The following ACOXL variants were observed in gnomAD, a reference collection of about 807,000 sequenced individuals.
ACOXL encodes the protein acyl-CoA oxidase like, also known as acyl-coenzyme A oxidase-like protein.
In ACOXL, 70 loss-of-function variants were observed where a neutral mutation model predicts 71.9. The ratio of observed to expected loss-of-function variants is 0.97; its 90% CI spans 0.80 to 1.19. The LOEUF (loss-of-function observed/expected upper bound fraction) is 1.19, where lower values mean the gene tolerates loss of function less well. ACOXL is among the 50% of genes most tolerant of loss of function. The probability of loss-of-function intolerance (pLI) is 0.00; values close to 1 mark genes in which losing one functional copy is unlikely to be tolerated. For missense variants in ACOXL, 703 were observed against 736.3 expected (o/e 0.95, Z 0.52); for synonymous variants, 253 against 281.6 (o/e 0.90, Z 1.02).
At chr2:110,981,290 G>A (rs1299903442) in intron 12 of ACOXL, among the ~76,000 whole-genome samples, 1 of 152,144 alleles carries the variant, frequency 6.6e-6, no homozygotes, top group Admixed American at 6.5e-5. Context: ...CCCGGGAAGT[G>A]GAGGTTGCAG....
chr2:111,088,491 T>C (rs56272634), intron 16 of ACOXL, among the ~76,000 whole-genome samples: 43,843 of 152,064 alleles, frequency 0.29, 6,435 homozygotes, highest in East Asian at 0.45. Flanking sequence ...GGAACATGGA[T>C]AGAACTGGAG....
At chr2:110,842,088 C>T (rs1210261669) in intron 10 of ACOXL, among the ~76,000 whole-genome samples, 3 of 152,194 alleles carry the variant, frequency 2.0e-5, no homozygotes, top group African/African-American at 7.2e-5. Flanking sequence ...TTGGGGATGT[C>T]TGCTCAGCTG....
At chr2:110,950,602 C>T (rs988458899) in intron 12 of ACOXL, among the ~76,000 whole-genome samples, 14 of 152,136 alleles carry the variant, frequency 9.2e-5, no homozygotes, top group African/African-American at 3.4e-4. Flanking sequence ...TCCCTTGGGC[C>T]AGTTCAGTCC....
At chr2:110,973,407 G>T (rs1017866) in intron 12 of ACOXL, among the ~76,000 whole-genome samples, 74,223 of 151,882 alleles carry the variant, frequency 0.49, 18,334 homozygotes, top group Middle Eastern at 0.6. Context: ...TCACGATCAC[G>T]CTGCCCTCAT....
chr2:110,979,245 A>T (rs2062597537), intron 12 of ACOXL, among the ~76,000 whole-genome samples: 1 of 152,202 alleles, frequency 6.6e-6, no homozygotes, highest in Non-Finnish European at 1.5e-5. Context: ...TAAGAACGCC[A>T]ACCATGCTCC....
chr2:110,883,424 T>C (rs990128197), intron 10 of ACOXL, among the ~76,000 whole-genome samples: 3 of 138,476 alleles, frequency 2.2e-5, no homozygotes, highest in Non-Finnish European at 4.9e-5. Context: ...TTCATCACTC[T>C]TAATAATCAG....
chr2:110,993,014 A>G (rs1235650389), intron 13 of ACOXL, among the ~76,000 whole-genome samples: 2 of 152,222 alleles, frequency 1.3e-5, no homozygotes, highest in Non-Finnish European at 2.9e-5. Context: ...ATATCTATGG[A>G]TCTGTGTATG....
intron 12 of ACOXL, among the ~76,000 whole-genome samples, chr2:110,975,192 C>T (rs2062389417): frequency 6.6e-6 from 1 of 152,144 alleles, no homozygotes; most frequent in Non-Finnish European, 1.5e-5. Flanking sequence ...AGGGTATTTT[C>T]CTAAGGATAA....
In ACOXL at chr2:111,109,710, G is replaced by A. The variant is rs188874366; in HGVS notation, c.1543-7906G>A. ...TTTTTTTTTTTTGAGACAGAGTCTC[G>A]CTCTTTCACCCAGGCTGGAGTGCAG... On this transcript the variant is annotated intron_variant, in intron 17 of 17. Coordinates refer to ENST00000439055, the MANE Select transcript of ACOXL (RefSeq NM_001142807.4). Among the ~76,000 whole-genome samples, 283 of 106,414 alleles carry A rather than the reference G, an allele frequency of 2.7e-3. 2 individuals are homozygous for A. Among genetic ancestry groups the A allele is most frequent in the African/African-American group, 9.9e-3 (263 of 26,470 alleles). The allele number at this position is 106,414 out of a possible 152,430, so 69.8% of individuals were successfully genotyped here. A position where few individuals can be genotyped will look rare whatever the true frequency, so the allele number is the denominator to read the frequency against.
intron 9 of ACOXL, among the ~76,000 whole-genome samples, chr2:110,822,524 C>T (rs568215372): frequency 1.8e-4 from 28 of 152,194 alleles, no homozygotes; most frequent in Non-Finnish European, 2.9e-4. Flanking sequence ...TTTAGTCTTA[C>T]TACATTCGGC....
intron 14 of ACOXL, among the ~76,000 whole-genome samples, chr2:111,015,594 G>A (rs1364554687): frequency 6.6e-6 from 1 of 152,122 alleles, no homozygotes. Flanking sequence ...CCTATACTAT[G>A]AGCCAGCAAT....
chr2:111,031,843 G>C (rs2065286617), intron 15 of ACOXL, 129 bp downstream of exon 15: 1 of 908,858 alleles, frequency 1.1e-6, no homozygotes, highest in Non-Finnish European at 1.7e-6. Context: ...GTTGAATTTA[G>C]GGCCCCAAGT....
intron 10 of ACOXL, among the ~76,000 whole-genome samples, chr2:110,870,227 C>G (rs1695106981): frequency 6.6e-6 from 1 of 152,248 alleles, no homozygotes; most frequent in African/African-American, 2.4e-5. Context: ...TGCTGGACAG[C>G]ACAGAGCATC....
intron 10 of ACOXL, among the ~76,000 whole-genome samples, chr2:110,856,966 A>G (rs1248009010): frequency 6.6e-6 from 1 of 152,206 alleles, no homozygotes; most frequent in Admixed American, 6.5e-5. Context: ...AGTCTTATTC[A>G]TTCTTCATTC....
chr2:111,081,082 G>T (rs1468113759), intron 16 of ACOXL, among the ~76,000 whole-genome samples: 1 of 152,098 alleles, frequency 6.6e-6, no homozygotes, highest in East Asian at 1.9e-4. Context: ...TAGGCAAAAG[G>T]TGGAAGCATT....
intron 16 of ACOXL, among the ~76,000 whole-genome samples, chr2:111,066,125 A>G (rs34243886): frequency 0.31 from 46,810 of 152,134 alleles, 7,311 homozygotes; most frequent in East Asian, 0.46. Flanking sequence ...CTGGAAACAA[A>G]CCCAATTTTC....
chr2:111,114,881 A>G (rs2070239423), intron 17 of ACOXL, among the ~76,000 whole-genome samples: 1 of 151,794 alleles, frequency 6.6e-6, no homozygotes, highest in African/African-American at 2.4e-5. Flanking sequence ...TCACTCCCAA[A>G]TATACATATT....
intron 16 of ACOXL, among the ~76,000 whole-genome samples, chr2:111,050,309 G>A (rs1047555162): frequency 3.3e-5 from 5 of 151,950 alleles, no homozygotes; most frequent in Admixed American, 6.6e-5. Flanking sequence ...ATAAAGAAGC[G>A]CTGCTCATAC....
chr2:110,873,183 T>G (rs182175868), intron 10 of ACOXL, among the ~76,000 whole-genome samples: 1 of 152,258 alleles, frequency 6.6e-6, no homozygotes, highest in East Asian at 1.9e-4. Context: ...ACACCATGGG[T>G]CACTGGTGGT....
Sources: gnomAD v4.1 joint callset for allele counts (sites outside exome capture counted in the v4.1 genomes callset) on GRCh38, gnomAD v4.1.1 for gene constraint, MANE v1.5 for transcripts, NCBI Gene and HGNC (gene_info 2026-07-23, HGNC 2026-07-21) for gene names.